The following STXBP5L variants were observed in gnomAD, a reference collection of about 807,000 sequenced individuals.
The protein encoded by STXBP5L is syntaxin-binding protein 5-like.
STXBP5L carries 65 observed loss-of-function variants against 144.5 expected under a neutral mutation model. The observed-to-expected ratio is 0.45, with a 90% confidence interval of 0.37 to 0.55. STXBP5L has a LOEUF of 0.55. Ranked by LOEUF, STXBP5L falls within the 20% of genes least tolerant of loss-of-function variation. STXBP5L has a pLI of 0.00. For synonymous variants in STXBP5L, 505 were observed against 469.6 expected, an observed-to-expected ratio of 1.08 and a Z score of -0.97; for missense variants, 1,298 against 1,405.5, an observed-to-expected ratio of 0.92 and a Z score of 1.22.
At chr3:121,387,102 G>T (rs556793245) in intron 22 of STXBP5L, among the ~76,000 whole-genome samples, 11 of 152,024 alleles carry the variant, frequency 7.2e-5, no homozygotes, top group South Asian at 2.1e-4. Context: ...CCATTCTAAC[G>T]GGTGTGAGAT....
At chr3:120,928,850 G>T (rs1709775123) in intron 2 of STXBP5L, among the ~76,000 whole-genome samples, 1 of 152,094 alleles carries the variant, frequency 6.6e-6, no homozygotes. Context: ...TTTCATTTTA[G>T]TATTTTTTTA....
intron 18 of STXBP5L, among the ~76,000 whole-genome samples, chr3:121,259,973 A>G (rs1159425532): frequency 6.6e-6 from 1 of 152,006 alleles, no homozygotes; most frequent in Non-Finnish European, 1.5e-5. Context: ...GTTGGATTTT[A>G]TTCCCATTAA....
chr3:121,034,898 T>A (rs1946648819), intron 3 of STXBP5L, among the ~76,000 whole-genome samples: 1 of 152,164 alleles, frequency 6.6e-6, no homozygotes, highest in African/African-American at 2.4e-5. Flanking sequence ...TTTTTGACTT[T>A]CTAATAATAG....
chr3:121,308,225 C>G (rs1226528781), intron 19 of STXBP5L, among the ~76,000 whole-genome samples: 1 of 152,150 alleles, frequency 6.6e-6, no homozygotes, highest in African/African-American at 2.4e-5. Context: ...ATGTAAGAAA[C>G]CTGCACGTCC....
At position 121,381,435 on chromosome 3, in the gene STXBP5L, C is replaced by A; in HGVS notation, c.2490C>A (p.Phe830Leu). The A allele has an allele frequency of 6.2e-7, 1 of 1,606,166 alleles. No individual in the cohort carries two copies. The highest frequency in any genetic ancestry group is 8.5e-7 in the Non-Finnish European group (1 of 1,177,766). The change falls in exon 22 of 27, where the codon TTC (phenylalanine) becomes TTA (leucine). Residue 830 changes from phenylalanine to leucine, a missense_variant. Transcript: ENST00000471454. ...ACTCTACCATCTCTCCTTGTCTGTTCGTTGGAACCAGTCTGGGAATGGTGT... is the reference window on the plus strand; with the variant it reads ...ACTCTACCATCTCTCCTTGTCTGTTAGTTGGAACCAGTCTGGGAATGGTGT... ...KNDSTISPCL[F>L]VGTSLGMVLI...
In STXBP5L at chr3:121,102,925, C is replaced by T. The variant is rs372901877; in HGVS notation, c.471-12000C>T. On this transcript the variant is annotated intron_variant, in intron 5 of 26. Coordinates refer to ENST00000471454, the MANE Select transcript of STXBP5L (RefSeq NM_001308330.2). ...CAGACACTTCTCAAAAGAAGACATA[C>T]AAGTGTTCAACAAAAATGAAAAAAT... is the stretch of plus-strand genomic sequence containing the variant. 1.3e-4 allele frequency among the ~76,000 whole-genome samples: 20 copies of T among 152,054 alleles called. No homozygotes were observed. The East Asian group carries it at 3.3e-3, about 25-fold the overall frequency.
chr3:121,201,967 G>T (rs1008812421), intron 9 of STXBP5L, among the ~76,000 whole-genome samples: 2 of 152,142 alleles, frequency 1.3e-5, no homozygotes, highest in African/African-American at 4.8e-5. Context: ...TGTTGGCCAG[G>T]CCGGTGTTGA....
At position 121,396,559 on chromosome 3, in the gene STXBP5L, G is replaced by A. The variant is rs142427422; in HGVS notation, c.2588-10684G>A. On this transcript the variant is annotated intron_variant, in intron 22 of 26. Transcript: ENST00000471454. ...AAATGAGAGAATATGTGTGACATCC[G>A]TTTGCCAAAGAGAGTTAGGTTCCAA... Among the ~76,000 whole-genome samples the A allele has an allele frequency of 1.1e-3, 169 of 152,292 alleles. 1 individual carries two copies. The East Asian group carries it at 0.019, about 18-fold the overall frequency.
At chr3:121,198,799 G>T (rs911103545) in intron 9 of STXBP5L, among the ~76,000 whole-genome samples, 1 of 152,076 alleles carries the variant, frequency 6.6e-6, no homozygotes, top group Admixed American at 6.6e-5. Context: ...GGTTGTAGGT[G>T]TGTGGTATTA....
intron 8 of STXBP5L, among the ~76,000 whole-genome samples, chr3:121,152,888 C>T (rs922985514): frequency 6.6e-6 from 1 of 152,042 alleles, no homozygotes; most frequent in Non-Finnish European, 1.5e-5. Context: ...ACTGCTTTTC[C>T]TTTCTGTAGG....
At chr3:121,187,434 G>C (rs536880004) in intron 9 of STXBP5L, among the ~76,000 whole-genome samples, 2 of 150,922 alleles carry the variant, frequency 1.3e-5, no homozygotes, top group Admixed American at 6.6e-5. Context: ...GGGAGGGATA[G>C]CATTAGGAGA....
chr3:121,365,862 C>T (rs141036038), intron 20 of STXBP5L, among the ~76,000 whole-genome samples: 4 of 150,808 alleles, frequency 2.7e-5, no homozygotes, highest in Non-Finnish European at 4.4e-5. Context: ...TAGGTTGTTG[C>T]CTTGAGATTT....
At chr3:121,258,697 T>C (rs892750945) in intron 17 of STXBP5L, among the ~76,000 whole-genome samples, 2 of 152,166 alleles carry the variant, frequency 1.3e-5, no homozygotes, top group Admixed American at 1.3e-4. Context: ...TCATTTGTTT[T>C]ATTGTTATGC....
intron 18 of STXBP5L, among the ~76,000 whole-genome samples, 184 bp from the exon 19 acceptor site, chr3:121,279,621 G>A (rs951521411): frequency 2.0e-5 from 3 of 151,814 alleles, no homozygotes; most frequent in African/African-American, 7.2e-5. Flanking sequence ...TAAATTGTAT[G>A]CCTATTATAC....
intron 7 of STXBP5L, among the ~76,000 whole-genome samples, chr3:121,144,718 A>G: frequency 6.6e-6 from 1 of 152,012 alleles, no homozygotes; most frequent in Non-Finnish European, 1.5e-5. Context: ...GGCCATTGGC[A>G]GATGAATAAA....
intron 20 of STXBP5L, among the ~76,000 whole-genome samples, chr3:121,329,758 G>A (rs1161685702): frequency 1.3e-5 from 2 of 152,090 alleles, no homozygotes; most frequent in African/African-American, 4.8e-5. Flanking sequence ...TACACGGGAG[G>A]CTGAGGCAGG....
intron 8 of STXBP5L, among the ~76,000 whole-genome samples, chr3:121,153,508 A>G (rs980436098): frequency 2.6e-5 from 4 of 152,006 alleles, no homozygotes; most frequent in Non-Finnish European, 5.9e-5. Context: ...TGAAACACAC[A>G]CACATTTATT....
chr3:121,314,722 T>G (rs1248477370), intron 19 of STXBP5L, among the ~76,000 whole-genome samples: 1 of 152,040 alleles, frequency 6.6e-6, no homozygotes, highest in Non-Finnish European at 1.5e-5. Context: ...AGAAAATTTT[T>G]GCAACCTACT....
chr3:121,087,151 C>A (rs1055243567), intron 5 of STXBP5L, among the ~76,000 whole-genome samples: 6 of 151,962 alleles, frequency 3.9e-5, no homozygotes, highest in Non-Finnish European at 7.4e-5. Flanking sequence ...AAAATAATGT[C>A]TATTTTGCTG....
Sources: allele counts gnomAD v4.1 joint callset (sites outside exome capture counted in the v4.1 genomes callset), GRCh38; gene constraint gnomAD v4.1.1; transcripts MANE v1.5; gene names NCBI Gene and HGNC (gene_info 2026-07-23, HGNC 2026-07-21).